Variants in PTPRD observed in about 807,000 individuals in gnomAD.
PTPRD encodes the protein protein tyrosine phosphatase receptor type D.
In PTPRD, 34 loss-of-function variants were observed where a neutral mutation model predicts 214.5. That is an observed-to-expected ratio of 0.16 (90% CI 0.12 to 0.21). PTPRD has a LOEUF of 0.21. Among genes scored for constraint, PTPRD ranks in the 10% least tolerant of loss-of-function variants. The probability of loss-of-function intolerance (pLI) is 1.00; values close to 1 mark genes in which losing one functional copy is unlikely to be tolerated. For synonymous variants in PTPRD, 1,128 were observed against 845.7 expected, an observed-to-expected ratio of 1.33 and a Z score of -5.79; for missense variants, 2,545 against 2,398.7, an observed-to-expected ratio of 1.06 and a Z score of -1.27.
chr9:9,605,118 T>C (rs1311963295), intron 7 of PTPRD, among the ~76,000 whole-genome samples: 1 of 152,092 alleles, frequency 6.6e-6, no homozygotes, highest in Non-Finnish European at 1.5e-5. Context: ...ATTTACCCAG[T>C]AGATTCACAT....
chr9:10,414,223 A>G (rs1309300243), intron 2 of PTPRD, among the ~76,000 whole-genome samples: 1 of 151,964 alleles, frequency 6.6e-6, no homozygotes, highest in East Asian at 1.9e-4. Flanking sequence ...AAGGTCTAAC[A>G]TCTAGCGTCT....
At chr9:9,184,091 A>T (rs2099929918) in intron 9 of PTPRD, among the ~76,000 whole-genome samples, 1 of 151,836 alleles carries the variant, frequency 6.6e-6, no homozygotes, top group Non-Finnish European at 1.5e-5. Flanking sequence ...AACATATTAA[A>T]CTCTTATTCC....
Position 10,583,188 on chromosome 9 carries a change from A to G in PTPRD, c.-600+29210T>C, listed in dbSNP as rs533699206. Among the ~76,000 whole-genome samples the G allele has an allele frequency of 7.9e-5, 12 of 152,328 alleles. No individual in the cohort carries two copies. In the South Asian group the frequency reaches 2.1e-3, roughly 26 times the overall value. ...GTATCCCAATGCAGAAGTTTCAGGC[A>G]GAGAAGTAAAGTTATTGTGGAAGAA... On this transcript the variant is annotated intron_variant, in intron 2 of 45. Coordinates refer to ENST00000381196, the MANE Select transcript of PTPRD (RefSeq NM_002839.4).
At chr9:9,654,015 G>C (rs563404076) in intron 7 of PTPRD, among the ~76,000 whole-genome samples, 1 of 152,090 alleles carries the variant, frequency 6.6e-6, no homozygotes, top group African/African-American at 2.4e-5. Context: ...TGAAAGGAAG[G>C]TTAGGGTTAC....
chr9:9,790,545 C>G (rs2098960047), intron 5 of PTPRD, among the ~76,000 whole-genome samples: 1 of 152,170 alleles, frequency 6.6e-6, no homozygotes, highest in South Asian at 2.1e-4. Context: ...GCTAATTAAA[C>G]AATCTCATTT....
intron 32 of PTPRD, among the ~76,000 whole-genome samples, chr9:8,464,401 C>T (rs1418950413): frequency 6.6e-6 from 1 of 151,990 alleles, no homozygotes; most frequent in Non-Finnish European, 1.5e-5. Flanking sequence ...AAGGCCATTA[C>T]TTTGTTTTCA....
intron 8 of PTPRD, among the ~76,000 whole-genome samples, chr9:9,572,632 A>G (rs1314249381): frequency 6.8e-6 from 1 of 147,714 alleles, no homozygotes; most frequent in Non-Finnish European, 1.5e-5. Flanking sequence ...ATGTATATAT[A>G]TGTATTTATG....
chr9:10,272,198 T>C lies in PTPRD; in HGVS notation c.-545+68765A>G, dbSNP rs575825385. Among the ~76,000 whole-genome samples the C allele has an allele frequency of 3.3e-5, 5 of 152,318 alleles. No individual in the cohort carries two copies. The South Asian group carries it at 1.0e-3, about 32-fold the overall frequency. On this transcript the variant is annotated intron_variant, in intron 3 of 45. Coordinates refer to ENST00000381196, the MANE Select transcript of PTPRD (RefSeq NM_002839.4). The stretch of plus-strand genomic sequence containing the variant: ...TGGATATTTCACATAAACGAAATCA[T>C]ATAATATGTGGTCTCCTTTGTGACT...
At chr9:9,893,174 AC>A (rs1453850167) in intron 5 of PTPRD, among the ~76,000 whole-genome samples, 1 of 152,092 alleles carries the variant, frequency 6.6e-6, no homozygotes, top group Admixed American at 6.6e-5. Flanking sequence ...GGCTGCACAC[AC>A]TAAAGTACAC....
chr9:8,579,988 T>C (rs974233570), intron 14 of PTPRD, among the ~76,000 whole-genome samples: 4 of 152,184 alleles, frequency 2.6e-5, no homozygotes, highest in African/African-American at 9.7e-5. Context: ...TCCTGGGTGG[T>C]AGCTATGAAC....
intron 3 of PTPRD, among the ~76,000 whole-genome samples, chr9:10,128,774 G>C (rs1233523829): frequency 6.6e-6 from 1 of 152,050 alleles, no homozygotes; most frequent in Non-Finnish European, 1.5e-5. Context: ...CTGTTTTTCT[G>C]CTGCCTGAGC....
At chr9:9,423,082 T>A (rs931187411) in intron 8 of PTPRD, among the ~76,000 whole-genome samples, 1 of 152,120 alleles carries the variant, frequency 6.6e-6, no homozygotes, top group Non-Finnish European at 1.5e-5. Context: ...ATGAAGTTCT[T>A]GTTTGGAGGG....
In PTPRD at chr9:9,915,033, C is replaced by A. The variant is rs186824271; in HGVS notation, c.-368+23474G>T. 2.8e-4 allele frequency among the ~76,000 whole-genome samples: 43 copies of A among 152,250 alleles called. No individual in the cohort carries two copies. The South Asian group carries it at 3.1e-3, about 11-fold the overall frequency. On this transcript the variant is annotated intron_variant, in intron 5 of 45. Transcript: ENST00000381196. The stretch of plus-strand genomic sequence containing the variant: ...CATATGCCCCTGACCTGAAAAATAG[C>A]CCGGTGAGCCAACTTTCAGCAAAGC...
At chr9:9,445,020 TA>T (rs1220719737) in intron 8 of PTPRD, among the ~76,000 whole-genome samples, 1 of 152,164 alleles carries the variant, frequency 6.6e-6, no homozygotes, top group Non-Finnish European at 1.5e-5. Flanking sequence ...GATCAAATTT[TA>T]AAAAAATGAG....
At position 9,926,068 on chromosome 9, in the gene PTPRD, G is replaced by A. The variant is rs532252768; in HGVS notation, c.-368+12439C>T. ...CTGGTCTAGACTCCCAGGCTCAAGC[G>A]ATCCTCCTGCTTCATCCTCCTAAAG... On this transcript the variant is annotated intron_variant, in intron 5 of 45. Transcript: ENST00000381196. Among the ~76,000 whole-genome samples the A allele has an allele frequency of 5.9e-5, 9 of 152,104 alleles. No homozygotes were observed. The South Asian group carries it at 1.5e-3, about 25-fold the overall frequency.
intron 5 of PTPRD, among the ~76,000 whole-genome samples, chr9:9,924,918 G>A (rs914669737): frequency 1.9e-4 from 29 of 152,068 alleles, no homozygotes; most frequent in African/African-American, 6.3e-4. Context: ...CCTAGCTAGA[G>A]TGCATGAAAT....
intron 11 of PTPRD, among the ~76,000 whole-genome samples, chr9:8,771,798 G>T (rs2095232544): frequency 1.3e-5 from 2 of 151,220 alleles, no homozygotes; most frequent in East Asian, 1.9e-4. Flanking sequence ...AGTAGCCACA[G>T]CTGTGACCTG....
chr9:9,969,339 T>C (rs2094932581), intron 4 of PTPRD, among the ~76,000 whole-genome samples: 1 of 152,120 alleles, frequency 6.6e-6, no homozygotes, highest in Non-Finnish European at 1.5e-5. Flanking sequence ...TTAAACTCTC[T>C]CTTTCCTCCT....
chr9:8,347,390 GT>G (rs2074153940), intron 39 of PTPRD, among the ~76,000 whole-genome samples: 1 of 152,102 alleles, frequency 6.6e-6, no homozygotes, highest in Admixed American at 6.6e-5. Flanking sequence ...TGCCTACCAT[GT>G]GCTGAGACAT....
Sources: gnomAD v4.1 joint callset for allele counts (sites outside exome capture counted in the v4.1 genomes callset) on GRCh38, gnomAD v4.1.1 for gene constraint, MANE v1.5 for transcripts, NCBI Gene and HGNC (gene_info 2026-07-23, HGNC 2026-07-21) for gene names.